Variants in KCNAB1 observed in about 807,000 individuals in gnomAD.
KCNAB1 encodes voltage-gated potassium channel subunit beta-1.
KCNAB1 carries 35 observed loss-of-function variants against 64.6 expected under a neutral mutation model. The ratio of observed to expected loss-of-function variants is 0.54; its 90% confidence interval spans 0.41 to 0.72. The LOEUF is 0.72. Ranked by LOEUF, KCNAB1 falls within the 30% of genes least tolerant of loss-of-function variation. The pLI is 0.00. For synonymous variants in KCNAB1, 177 were observed against 183.8 expected (o/e 0.96, Z 0.30); for missense variants, 401 against 512.9 (o/e 0.78, Z 2.11).
At chr3:156,170,295 G>A (rs2108324173) in intron 1 of KCNAB1, among the ~76,000 whole-genome samples, 1 of 148,210 alleles carries the variant, frequency 6.7e-6, no homozygotes, top group Middle Eastern at 3.5e-3. Context: ...GTTTTATGAA[G>A]TCATAGAGAA....
intron 2 of KCNAB1, among the ~76,000 whole-genome samples, chr3:156,433,228 G>A (rs1040959204): frequency 2.6e-5 from 4 of 152,180 alleles, no homozygotes; most frequent in Non-Finnish European, 5.9e-5. Flanking sequence ...TGGGCTATAT[G>A]CCCCTAAAGG....
At chr3:156,156,137 G>T (rs547814447) in intron 1 of KCNAB1, among the ~76,000 whole-genome samples, 3 of 152,186 alleles carry the variant, frequency 2.0e-5, no homozygotes, top group Admixed American at 2.0e-4. Context: ...AGACTATCTC[G>T]TAGGGCCTTA....
Position 156,499,926 on chromosome 3 carries a change from C to T in KCNAB1, c.659-14438C>T, listed in dbSNP as rs1448903527. ...AATCTAAGCAGAGTAGAAATTGTTG[C>T]TTGTCTACCCAGCAGCCACCCTGCT... On this transcript the variant is annotated intron_variant, in intron 8 of 13. Coordinates refer to ENST00000490337, the MANE Select transcript of KCNAB1 (RefSeq NM_172160.3). Among the ~76,000 whole-genome samples, 4 of 152,156 alleles carry T rather than the reference C, an allele frequency of 2.6e-5. No individual in the cohort carries two copies. The East Asian group carries it at 7.7e-4, about 29-fold the overall frequency.
chr3:156,314,391 G>A (rs1722139562), intron 1 of KCNAB1, among the ~76,000 whole-genome samples: 1 of 152,178 alleles, frequency 6.6e-6, no homozygotes, highest in Admixed American at 6.5e-5. Context: ...TTCCCTATAA[G>A]GTTAGTGCTA....
chr3:156,516,192 A>G, intron 10 of KCNAB1, 78 bp from the exon 11 acceptor site: 1 of 951,488 alleles, frequency 1.1e-6, no homozygotes, highest in Non-Finnish European at 1.7e-6. Context: ...AATTCTGTTT[A>G]AACACTACTG....
chr3:156,182,133 C>T (rs1712856380), intron 1 of KCNAB1, among the ~76,000 whole-genome samples: 1 of 151,748 alleles, frequency 6.6e-6, no homozygotes, highest in Admixed American at 6.6e-5. Flanking sequence ...TTCTTAAGTC[C>T]CTATATAAGA....
intron 12 of KCNAB1, 46 bp from the exon 13 acceptor site, chr3:156,531,363 G>A (rs374046849): frequency 4.6e-5 from 63 of 1,376,834 alleles, no homozygotes; most frequent in East Asian, 2.5e-4. Context: ...GCTAATCAAC[G>A]ATTGGAAGTG....
chr3:156,267,315 ACTCTAGTT>A (rs1466464863), intron 1 of KCNAB1, among the ~76,000 whole-genome samples: 1 of 151,804 alleles, frequency 6.6e-6, no homozygotes, highest in East Asian at 1.9e-4. Context: ...TGGCTGGCTG[ACTCTAGTT>A]ATCTCCTCCT....
intron 1 of KCNAB1, among the ~76,000 whole-genome samples, chr3:156,150,054 C>T (rs993871934): frequency 6.6e-6 from 1 of 152,074 alleles, no homozygotes; most frequent in African/African-American, 2.4e-5. Context: ...AGTCTCTGGG[C>T]CTGTGCTTAT....
intron 1 of KCNAB1, among the ~76,000 whole-genome samples, chr3:156,404,197 T>C (rs530463821): frequency 6.6e-6 from 1 of 152,202 alleles, no homozygotes; most frequent in African/African-American, 2.4e-5. Context: ...TGAGTGAAGG[T>C]CTCAAAGCAC....
chr3:156,458,121 C>T (rs1381050016), intron 4 of KCNAB1, among the ~76,000 whole-genome samples: 1 of 152,190 alleles, frequency 6.6e-6, no homozygotes, highest in Admixed American at 6.5e-5. Context: ...AGAGCCCATT[C>T]TGAGGACAGG....
intron 1 of KCNAB1, among the ~76,000 whole-genome samples, chr3:156,250,518 C>A (rs943779104): frequency 2.0e-4 from 31 of 152,124 alleles, no homozygotes; most frequent in Non-Finnish European, 4.1e-4. Context: ...GCACCCACTC[C>A]AAAAAATGTG....
intron 8 of KCNAB1, among the ~76,000 whole-genome samples, chr3:156,506,739 C>A (rs1195038172): frequency 2.6e-5 from 4 of 152,166 alleles, no homozygotes; most frequent in Non-Finnish European, 5.9e-5. Context: ...ATCAGTTTGG[C>A]CAGTGCCCTG....
chr3:156,133,894 A>C (rs75715060), intron 1 of KCNAB1, among the ~76,000 whole-genome samples: 9,128 of 152,188 alleles, frequency 0.06, 372 homozygotes, highest in East Asian at 0.15. Context: ...GCTTCAGAAC[A>C]AATTCGTTGA....
chr3:156,444,974 AAAAG>A (rs1168144927), intron 2 of KCNAB1, among the ~76,000 whole-genome samples: 1 of 152,174 alleles, frequency 6.6e-6, no homozygotes, highest in Non-Finnish European at 1.5e-5. Context: ...GCAATTGAGT[AAAAG>A]AAGAAGAAAG....
At chr3:156,261,834 A>G (rs907847942) in intron 1 of KCNAB1, among the ~76,000 whole-genome samples, 1 of 152,020 alleles carries the variant, frequency 6.6e-6, no homozygotes, top group Non-Finnish European at 1.5e-5. Flanking sequence ...AGAATTTGCC[A>G]TCTTGACAAT....
At chr3:156,236,626 A>G (rs1007186362) in intron 1 of KCNAB1, among the ~76,000 whole-genome samples, 2 of 152,116 alleles carry the variant, frequency 1.3e-5, no homozygotes, top group African/African-American at 2.4e-5. Flanking sequence ...GATACTTTGC[A>G]CTGCCTCTTA....
At chr3:156,404,963 A>T (rs1479156155) in intron 1 of KCNAB1, among the ~76,000 whole-genome samples, 4 of 152,366 alleles carry the variant, frequency 2.6e-5, no homozygotes, top group Non-Finnish European at 5.9e-5. Flanking sequence ...ATTCAGGAGC[A>T]AAGCTCAAGA....
At chr3:156,516,502 C>T (rs1454719076) in intron 11 of KCNAB1, 138 bp downstream of exon 11, 16 of 655,934 alleles carry the variant, frequency 2.4e-5, no homozygotes, top group Middle Eastern at 3.7e-4. Flanking sequence ...CTGGCAGGTT[C>T]CCCTAAGCCT....
Sources: allele counts gnomAD v4.1 joint callset (sites outside exome capture counted in the v4.1 genomes callset), GRCh38; gene constraint gnomAD v4.1.1; transcripts MANE v1.5; gene names NCBI Gene and HGNC (gene_info 2026-07-23, HGNC 2026-07-21).